Variants in LAMC2 observed in about 807,000 individuals in gnomAD.
LAMC2 encodes laminin subunit gamma 2, also known as laminin subunit gamma-2.
LAMC2 carries 97 observed loss-of-function variants against 140.2 expected under a neutral mutation model. That is an observed-to-expected ratio of 0.69 (90% CI 0.59 to 0.82). The LOEUF is 0.82. LAMC2 is among the 40% of genes least tolerant of loss of function. The pLI, the probability that LAMC2 is intolerant of heterozygous loss-of-function variation, is 0.00. For missense variants in LAMC2, 1,402 were observed against 1,476.1 expected, an observed-to-expected ratio of 0.95 and a Z score of 0.82; for synonymous variants, 513 against 540.2, an observed-to-expected ratio of 0.95 and a Z score of 0.70.
intron 1 of LAMC2, among the ~76,000 whole-genome samples, chr1:183,187,271 A>G (rs1334431042): frequency 6.6e-6 from 1 of 152,248 alleles, no homozygotes; most frequent in Non-Finnish European, 1.5e-5. Flanking sequence ...ACACAAGTGC[A>G]TGCATGAATA....
At chr1:183,235,824 A>G (rs991848194) in intron 16 of LAMC2, 94 bp downstream of exon 16, 25 of 1,271,412 alleles carry the variant, frequency 2.0e-5, no homozygotes, top group Non-Finnish European at 2.7e-5. Context: ...TGCTAGTTGT[A>G]AAAAACATAT....
In LAMC2 at chr1:183,232,751, T is replaced by G; in HGVS notation, c.2114T>G (p.Val705Gly). ...GACCTCAAGATGACTGTGGAAAGAG[T>G]TCGGGCTCTGGGAAGTCAGTACCAG... is the stretch of plus-strand genomic sequence containing the variant. The part of the protein sequence containing the change: ...LDDLKMTVER[V>G]RALGSQYQNR... The change falls in exon 14 of 23, where the codon GTT (valine) becomes GGT (glycine). Residue 705 changes from valine to glycine, a missense_variant. By Grantham distance (109) the Val-to-Gly change is moderately radical. Coordinates refer to ENST00000264144, the MANE Select transcript of LAMC2 (RefSeq NM_005562.3). The G allele has an allele frequency of 6.2e-7, 1 of 1,613,958 alleles. No homozygotes were observed. Among genetic ancestry groups the G allele is most frequent in the South Asian group, 1.1e-5 (1 of 91,064 alleles).
chr1:183,242,516 G>T (rs1469094870), intron 22 of LAMC2, among the ~76,000 whole-genome samples: 1 of 152,126 alleles, frequency 6.6e-6, no homozygotes, highest in Admixed American at 6.5e-5. Flanking sequence ...ATAGTCTAAG[G>T]GTAACACATG....
intron 1 of LAMC2, among the ~76,000 whole-genome samples, chr1:183,195,215 G>C (rs1437607929): frequency 1.3e-5 from 2 of 152,130 alleles, no homozygotes; most frequent in African/African-American, 4.8e-5. Flanking sequence ...GTCAGGGGAA[G>C]ACATCTCCAG....
At chr1:183,195,595 G>T (rs1291275078) in intron 1 of LAMC2, among the ~76,000 whole-genome samples, 1 of 152,170 alleles carries the variant, frequency 6.6e-6, no homozygotes, top group Non-Finnish European at 1.5e-5. Context: ...AATGGATCAG[G>T]CAGGATATGG....
chr1:183,212,065 A>G (rs1377084507), intron 2 of LAMC2, among the ~76,000 whole-genome samples: 2 of 152,154 alleles, frequency 1.3e-5, no homozygotes, highest in Non-Finnish European at 2.9e-5. Flanking sequence ...GGAACATGAA[A>G]TAAGTCAGTC....
intron 7 of LAMC2, among the ~76,000 whole-genome samples, chr1:183,224,060 A>G (rs776730122): frequency 3.9e-5 from 6 of 152,158 alleles, no homozygotes; most frequent in Non-Finnish European, 5.9e-5. Flanking sequence ...AGCATAATAC[A>G]GTAGGATAAT....
chr1:183,254,129 C>T, the LAMC2 span, among the ~76,000 whole-genome samples: 1 of 152,102 alleles, frequency 6.6e-6, no homozygotes, highest in Non-Finnish European at 1.5e-5. Flanking sequence ...GGTCATATGA[C>T]AGTTCCGTTT....
intron 22 of LAMC2, among the ~76,000 whole-genome samples, chr1:183,242,346 A>T (rs974437225): frequency 3.3e-5 from 5 of 152,222 alleles, no homozygotes; most frequent in African/African-American, 1.2e-4. Context: ...ATATGAGATT[A>T]ATTGTTCTAG....
the LAMC2 span, among the ~76,000 whole-genome samples, chr1:183,255,662 GTTT>G: frequency 1.7e-4 from 17 of 100,928 alleles, no homozygotes; most frequent in South Asian, 3.4e-4. Flanking sequence ...ATTCCTAAGG[GTTT>G]TTTTTTTTTT....
At chr1:183,191,593 C>A (rs981855743) in intron 1 of LAMC2, among the ~76,000 whole-genome samples, 3 of 151,062 alleles carry the variant, frequency 2.0e-5, no homozygotes, top group African/African-American at 7.3e-5. Flanking sequence ...TGCGGTGGCT[C>A]ATGCCTTTAA....
At chr1:183,226,670 A>G in intron 8 of LAMC2, 28 bp from the exon 9 acceptor site, 1 of 1,591,904 alleles carries the variant, frequency 6.3e-7, no homozygotes, top group African/African-American at 1.3e-5. Flanking sequence ...TACCACTTGC[A>G]ACTTCTAACC....
At chr1:183,227,446 C>A in intron 9 of LAMC2, 69 bp from the exon 10 acceptor site, 2 of 1,397,396 alleles carry the variant, frequency 1.4e-6, no homozygotes, top group Non-Finnish European at 1.0e-6. Flanking sequence ...CACTCTGACC[C>A]ATGTTGAAGG....
chr1:183,191,589 G>A (rs919455866), intron 1 of LAMC2, among the ~76,000 whole-genome samples: 8 of 151,400 alleles, frequency 5.3e-5, no homozygotes, highest in African/African-American at 1.9e-4. Context: ...TGGGTGCGGT[G>A]GCTCATGCCT....
chr1:183,242,419 C>T (rs993589869), intron 22 of LAMC2, among the ~76,000 whole-genome samples: 2 of 152,186 alleles, frequency 1.3e-5, no homozygotes, highest in Admixed American at 1.3e-4. Context: ...GCAACTTGAC[C>T]TTGAGTTCGA....
At position 183,186,272 on chromosome 1, in the gene LAMC2, G is replaced by T; in HGVS notation, c.-81G>T. 1.3e-6 allele frequency: 2 copies of T among 1,530,008 alleles called. No individual in the cohort carries two copies. The highest frequency in any genetic ancestry group is 2.4e-5 in the South Asian group (2 of 83,546). The allele number at this position is 1,530,008 out of a possible 1,614,324, so 94.8% of individuals were successfully genotyped here. ...TCAAGGAAAAGGAAGGCACAGCGGAGCGCAGAGTGAGAACCACCAACCGAG... is the reference window on the plus strand; with the variant it reads ...TCAAGGAAAAGGAAGGCACAGCGGATCGCAGAGTGAGAACCACCAACCGAG... On this transcript the variant is annotated 5_prime_UTR_variant, in exon 1 of 23. Transcript: ENST00000264144.
At chr1:183,214,621 C>T (rs1659194114) in intron 2 of LAMC2, among the ~76,000 whole-genome samples, 1 of 151,902 alleles carries the variant, frequency 6.6e-6, no homozygotes, top group African/African-American at 2.4e-5. Flanking sequence ...CACTGGAGGA[C>T]CTAACTATCG....
chr1:183,225,557 G>A (rs1316175255), intron 7 of LAMC2, 51 bp from the exon 8 acceptor site: 1 of 1,191,410 alleles, frequency 8.4e-7, no homozygotes, highest in African/African-American at 1.5e-5. Flanking sequence ...ATAACAGGTA[G>A]GTATGTGGTA....
chr1:183,254,654 C>A, the LAMC2 span, among the ~76,000 whole-genome samples: 1 of 152,176 alleles, frequency 6.6e-6, no homozygotes, highest in Non-Finnish European at 1.5e-5. Context: ...CTCACTATGT[C>A]TGGAACTCCT....
Sources: allele counts gnomAD v4.1 joint callset (sites outside exome capture counted in the v4.1 genomes callset), GRCh38; gene constraint gnomAD v4.1.1; transcripts MANE v1.5; gene names NCBI Gene and HGNC (gene_info 2026-07-23, HGNC 2026-07-21).